The following SOD2 variants were observed in gnomAD, a reference collection of about 807,000 sequenced individuals.
SOD2 encodes superoxide dismutase [Mn], mitochondrial.
In SOD2, 11 loss-of-function variants were observed where a neutral mutation model predicts 27.0. The observed-to-expected ratio is 0.41, with a 90% CI of 0.26 to 0.67. The LOEUF is 0.67. Among genes scored for constraint, SOD2 ranks in the 30% least tolerant of loss-of-function variants. The pLI is 0.34. For synonymous variants in SOD2, 105 were observed against 103.0 expected, an observed-to-expected ratio of 1.02 and a Z score of -0.12; for missense variants, 250 against 274.5, an observed-to-expected ratio of 0.91 and a Z score of 0.63.
chr6:159,756,929 G>C (rs983604479), intron 1 of SOD2, among the ~76,000 whole-genome samples: 1 of 152,122 alleles, frequency 6.6e-6, no homozygotes, highest in Non-Finnish European at 1.5e-5. Context: ...TTGAAAAGCA[G>C]CGTTGGTTTT....
chr6:159,695,594 A>C (rs561408476), upstream of SOD2, among the ~76,000 whole-genome samples: 6 of 152,318 alleles, frequency 3.9e-5, no homozygotes, highest in South Asian at 6.2e-4. Flanking sequence ...TGCTGGGCTC[A>C]TGTCATTCTT....
intron 1 of SOD2, among the ~76,000 whole-genome samples, chr6:159,732,846 TTCTTTCTC>T (rs1407498853): frequency 7.7e-6 from 1 of 129,182 alleles, no homozygotes; most frequent in African/African-American, 3.4e-5. Context: ...CTCTGTCTGC[TTCTTTCTC>T]TCTCTCTCTC....
At chr6:159,703,372 G>C (rs1157482141) in intron 1 of SOD2, among the ~76,000 whole-genome samples, 1 of 150,576 alleles carries the variant, frequency 6.6e-6, no homozygotes, top group East Asian at 1.9e-4. Flanking sequence ...GACAAAGAAA[G>C]CAGCTTACTA....
At position 159,674,921 on chromosome 6, in the gene SOD2, G is replaced by A. The variant is rs1779742891; in HGVS notation, c.*7572C>T. Reference sequence around the variant, plus strand: ...AAATCTCAGGATACAAAATCAATGTGCAAAAATCACAAGCATTCTTATACA... The same window carrying A: ...AAATCTCAGGATACAAAATCAATGTACAAAAATCACAAGCATTCTTATACA... On this transcript the variant is annotated 3_prime_UTR_variant, in exon 5 of 5. Coordinates refer to ENST00000538183, the MANE Select transcript of SOD2 (RefSeq NM_000636.4). 6.6e-6 allele frequency: 1 copy of A among 152,132 alleles called. No individual in the cohort carries two copies. Among genetic ancestry groups the A allele is most frequent in the South Asian group, 2.1e-4 (1 of 4,818 alleles). The allele number at this position is 152,132 out of a possible 1,614,324, so 9.4% of individuals were successfully genotyped here.
At chr6:159,699,688 C>T (rs533826351) in intron 1 of SOD2, among the ~76,000 whole-genome samples, 123 of 152,236 alleles carry the variant, frequency 8.1e-4, no homozygotes, top group South Asian at 2.3e-3. Context: ...TGCACAGTTC[C>T]AAGAATGACT....
At chr6:159,726,855 T>C (rs1213694923) in intron 1 of SOD2, 9 of 1,289,094 alleles carry the variant, frequency 7.0e-6, no homozygotes, top group South Asian at 2.5e-5. Flanking sequence ...AACTTACAGG[T>C]GAGCTTCTGC....
intron 1 of SOD2, among the ~76,000 whole-genome samples, chr6:159,734,495 A>G (rs1778785432): frequency 1.3e-5 from 2 of 152,140 alleles, no homozygotes; most frequent in African/African-American, 4.8e-5. Flanking sequence ...AAGTAAGGGA[A>G]GATTCATGAG....
intron 1 of SOD2, among the ~76,000 whole-genome samples, chr6:159,754,782 A>G (rs1164643945): frequency 6.6e-6 from 1 of 152,154 alleles, no homozygotes; most frequent in Non-Finnish European, 1.5e-5. Context: ...TTCCTTCTAC[A>G]GTTGCTTGAA....
At chr6:159,743,984 A>G (rs1041110193) in intron 1 of SOD2, among the ~76,000 whole-genome samples, 2 of 152,150 alleles carry the variant, frequency 1.3e-5, no homozygotes, top group Non-Finnish European at 2.9e-5. Context: ...TTTGTGGCCA[A>G]GAAGGCAAAG....
At chr6:159,742,047 A>G (rs1428017646) in intron 1 of SOD2, 9 of 1,392,546 alleles carry the variant, frequency 6.5e-6, no homozygotes, top group Non-Finnish European at 9.0e-6. Flanking sequence ...TTAATAAACT[A>G]TTTTATCGTA....
intron 1 of SOD2, among the ~76,000 whole-genome samples, chr6:159,734,223 G>A (rs556468120): frequency 2.6e-5 from 4 of 151,762 alleles, no homozygotes; most frequent in South Asian, 4.2e-4. Context: ...CACATTGCCC[G>A]GGCTCGGTTC....
exon 1 of SOD2, chr6:159,761,400 C>T (rs1394755113): frequency 2.6e-6 from 1 of 383,598 alleles, no homozygotes; most frequent in Non-Finnish European, 5.1e-6. Flanking sequence ...TTTTGTGACG[C>T]TAAGACGCTC....
chr6:159,736,478 A>G (rs1778924921), intron 1 of SOD2: 1 of 457,994 alleles, frequency 2.2e-6, no homozygotes. Flanking sequence ...TCTTATATCC[A>G]GTATATTTTT....
chr6:159,692,871 C>T lies in SOD2; in HGVS notation c.24-8G>A, dbSNP rs1383270391. On this transcript the variant is annotated splice_region_variant and splice_polypyrimidine_tract_variant and intron_variant, in intron 1 of 4. Transcript: ENST00000538183. ...GCCAGCTGCCTGCTGGTGCTGAAGA[C>T]GAGAAAGCACAGCCCGGTCAGTCAG... 3.8e-6 allele frequency: 6 copies of T among 1,593,728 alleles called. No individual in the cohort carries two copies. In the African/African-American group the frequency reaches 6.7e-5, roughly 18 times the overall value.
upstream of SOD2, among the ~76,000 whole-genome samples, chr6:159,698,100 C>T (rs1057088903): frequency 1.3e-5 from 2 of 152,182 alleles, no homozygotes; most frequent in Non-Finnish European, 2.9e-5. Flanking sequence ...TGGTGAAACT[C>T]TGTCTTTACT....
chr6:159,743,534 T>C, intron 1 of SOD2: 1 of 867,808 alleles, frequency 1.2e-6, no homozygotes. Flanking sequence ...GAAATTCGCC[T>C]GTTATAAAAG....
chr6:159,688,307 A>T (rs1421795772), intron 2 of SOD2, 65 bp from the exon 3 acceptor site: 3 of 954,388 alleles, frequency 3.1e-6, no homozygotes, highest in Non-Finnish European at 5.1e-6. Context: ...TGTATACATT[A>T]TATTTTTTTC....
At chr6:159,691,448 G>A (rs1476852485) in intron 2 of SOD2, 1 of 152,108 alleles carries the variant, frequency 6.6e-6, no homozygotes, top group Non-Finnish European at 1.5e-5. Context: ...TCAACAAGAT[G>A]TGACTGTCTA....
intron 1 of SOD2, among the ~76,000 whole-genome samples, chr6:159,703,917 TA>T (rs1201340422): frequency 6.6e-6 from 1 of 152,250 alleles, no homozygotes; most frequent in Non-Finnish European, 1.5e-5. Flanking sequence ...CTTGAAGTTT[TA>T]AAATAATCTT....
Sources: allele counts gnomAD v4.1 joint callset (sites outside exome capture counted in the v4.1 genomes callset), GRCh38; gene constraint gnomAD v4.1.1; transcripts MANE v1.5; gene names NCBI Gene and HGNC (gene_info 2026-07-23, HGNC 2026-07-21).